Variants in DKK3 observed in about 807,000 individuals in gnomAD.
DKK3 encodes the protein dickkopf Wnt signaling pathway inhibitor 3, also known as dickkopf-related protein 3.
In DKK3, 22 loss-of-function variants were observed where a neutral mutation model predicts 33.2. That is an observed-to-expected ratio of 0.66 (90% CI 0.47 to 0.95). The LOEUF is 0.95. Among genes scored for constraint, DKK3 ranks in the 40% least tolerant of loss-of-function variants. The pLI is 0.00. For missense variants in DKK3, 398 were observed against 458.4 expected (o/e 0.87, Z 1.20); for synonymous variants, 194 against 188.8 (o/e 1.03, Z -0.23).
At chr11:11,977,041 GC>G (rs931266001) in intron 3 of DKK3, among the ~76,000 whole-genome samples, 1 of 152,140 alleles carries the variant, frequency 6.6e-6, no homozygotes, top group African/African-American at 2.4e-5. Context: ...GGAGCCAGGA[GC>G]CCATCAGTGC....
chr11:11,970,286 G>A (rs1051238296), intron 3 of DKK3, among the ~76,000 whole-genome samples: 3 of 152,166 alleles, frequency 2.0e-5, no homozygotes, highest in Non-Finnish European at 4.4e-5. Flanking sequence ...AAAAGAGAGA[G>A]AGAAAGAGCA....
chr11:11,971,120 T>C (rs548413634), intron 3 of DKK3, among the ~76,000 whole-genome samples: 1 of 152,052 alleles, frequency 6.6e-6, no homozygotes, highest in African/African-American at 2.4e-5. Context: ...CCCTTCCTGG[T>C]GACTACCCTC....
rs1339786157 is a variant in DKK3 at position 11,964,057 on chromosome 11, T to C, written c.*407A>G. The C allele has an allele frequency of 1.6e-5, 3 of 189,378 alleles. No homozygotes were observed. Among genetic ancestry groups the C allele is most frequent in the African/African-American group, 7.0e-5 (3 of 42,556 alleles). 11.7% of individuals were successfully genotyped at this position (189,378 alleles called of 1,614,324 possible). On this transcript the variant is annotated 3_prime_UTR_variant, in exon 7 of 7. Coordinates refer to ENST00000683431, the MANE Select transcript of DKK3 (RefSeq NM_001018057.2). ...ATTCATTTGTTGCATTTTTGCCAGG[T>C]TGATGTTTGCAAAGCAGGGCACTCT... is the stretch of plus-strand genomic sequence containing the variant.
chr11:12,003,132 C>T (rs907685657), intron 1 of DKK3, among the ~76,000 whole-genome samples: 1 of 152,236 alleles, frequency 6.6e-6, no homozygotes, highest in Non-Finnish European at 1.5e-5. Context: ...TTTCATCACA[C>T]TTTCCCACTT....
chr11:11,976,669 A>G (rs1421658967), intron 3 of DKK3, among the ~76,000 whole-genome samples: 2 of 152,172 alleles, frequency 1.3e-5, no homozygotes, highest in Non-Finnish European at 2.9e-5. Flanking sequence ...AGGGAGGTGG[A>G]GCACTGCCAG....
At chr11:11,990,643 G>C (rs1403118342) in intron 3 of DKK3, among the ~76,000 whole-genome samples, 2 of 152,158 alleles carry the variant, frequency 1.3e-5, no homozygotes, top group African/African-American at 4.8e-5. Flanking sequence ...GCTCTCAAAG[G>C]CCTGCCTGAT....
intron 5 of DKK3, among the ~76,000 whole-genome samples, chr11:11,966,751 G>A (rs1390511447): frequency 6.6e-6 from 1 of 151,942 alleles, no homozygotes; most frequent in Non-Finnish European, 1.5e-5. Context: ...ACTTTTCTGA[G>A]CATCAACAGG....
intron 1 of DKK3, among the ~76,000 whole-genome samples, chr11:12,007,951 G>C (rs1466543331): frequency 6.6e-6 from 1 of 152,222 alleles, no homozygotes; most frequent in African/African-American, 2.4e-5. Flanking sequence ...ATCCTAACAA[G>C]CTCAAAGCAT....
chr11:11,964,222 G>T lies in DKK3; in HGVS notation c.*242C>A. The T allele has an allele frequency of 1.8e-6, 1 of 551,960 alleles. No individual in the cohort carries two copies. The highest frequency in any genetic ancestry group is 3.2e-6 in the Non-Finnish European group (1 of 311,224). The allele number at this position is 551,960 out of a possible 1,614,324, so 34.2% of individuals were successfully genotyped here. Reference sequence around the variant, plus strand: ...GCAAAGCAGCCAATAATCTGGACAGGGGTGGCAAACTGCTCCTGCAGTTTA... The same window carrying T: ...GCAAAGCAGCCAATAATCTGGACAGTGGTGGCAAACTGCTCCTGCAGTTTA... On this transcript the variant is annotated 3_prime_UTR_variant, in exon 7 of 7. Transcript: ENST00000683431.
Position 11,966,097 on chromosome 11 carries a change from T to G in DKK3, c.674-132A>C, listed in dbSNP as rs915316730. 5 of 1,143,630 alleles carry G rather than the reference T, an allele frequency of 4.4e-6. No individual in the cohort carries two copies. In the African/African-American group the frequency reaches 7.8e-5, roughly 18 times the overall value. 70.8% of individuals were successfully genotyped at this position (1,143,630 alleles called of 1,614,324 possible). A position where few individuals can be genotyped will look rare whatever the true frequency, so the allele number is the denominator to read the frequency against. On this transcript the variant is annotated intron_variant, in intron 5 of 6. Transcript: ENST00000683431. ...CCAAAGTGCAGGCTAGTTTTGAAGA[T>G]ACGGAATGACAGGAAACAAGAATAG...
chr11:12,001,781 G>T (rs971788626), intron 2 of DKK3: 2 of 152,338 alleles, frequency 1.3e-5, no homozygotes, highest in African/African-American at 4.8e-5. Context: ...ATCTGCCAGA[G>T]AATTTTGAAC....
At chr11:11,989,168 T>G (rs1427029027) in intron 3 of DKK3, among the ~76,000 whole-genome samples, 1 of 152,224 alleles carries the variant, frequency 6.6e-6, no homozygotes, top group East Asian at 1.9e-4. Context: ...AAAAATAGAA[T>G]GACCTTATGA....
chr11:11,968,764 A>C, intron 3 of DKK3: 1 of 311,636 alleles, frequency 3.2e-6, no homozygotes. Flanking sequence ...CCCCACCCAC[A>C]CCCAGGGCGG....
intron 3 of DKK3, among the ~76,000 whole-genome samples, chr11:11,971,690 A>G (rs138256302): frequency 2.6e-5 from 4 of 152,330 alleles, no homozygotes; most frequent in African/African-American, 9.6e-5. Flanking sequence ...TCTAGCATCA[A>G]TTCCTATAAG....
intron 3 of DKK3, among the ~76,000 whole-genome samples, chr11:11,971,927 T>C (rs1207298286): frequency 1.3e-5 from 2 of 152,204 alleles, no homozygotes; most frequent in African/African-American, 4.8e-5. Flanking sequence ...CAAGGAGTGC[T>C]GGTAGGTTAG....
At chr11:12,001,269 T>C (rs535234579) in intron 2 of DKK3, among the ~76,000 whole-genome samples, 2 of 152,346 alleles carry the variant, frequency 1.3e-5, no homozygotes, top group South Asian at 4.1e-4. Flanking sequence ...CTCATTCATT[T>C]ACCTGGAGCT....
rs75772999 is a variant in DKK3 at position 12,008,481 on chromosome 11, G to A, written c.102C>T (p.Pro34=). Residue 34 remains proline (P), a synonymous_variant, in exon 1 of 7, where the codon CCC becomes CCT. Coordinates refer to ENST00000683431, the MANE Select transcript of DKK3 (RefSeq NM_001018057.2). The surrounding 1 kb of genome is among the most constrained non-coding windows in gnomAD (Gnocchi z 4.6). ...APTATSAPVK[P]GPALSYPQEE... is the part of the protein sequence containing the mutation. ...CCTGCGGGTAGCTGAGAGCCGGGCC[G>A]GGCTTGACTGGAGCCGAGGTCGCCG... 3 of 1,605,140 alleles carry A rather than the reference G, an allele frequency of 1.9e-6. No individual in the cohort carries two copies. Among genetic ancestry groups the A allele is most frequent in the East Asian group, 2.2e-5 (1 of 44,758 alleles).
At chr11:11,981,458 C>G (rs1475348174) in intron 3 of DKK3, among the ~76,000 whole-genome samples, 1 of 152,218 alleles carries the variant, frequency 6.6e-6, no homozygotes, top group Non-Finnish European at 1.5e-5. Context: ...AATCCAGGAA[C>G]ATAATAAACG....
At chr11:11,966,006 G>A (rs754800403) in intron 5 of DKK3, 41 bp from the exon 6 acceptor site, 4 of 1,572,198 alleles carry the variant, frequency 2.5e-6, no homozygotes, top group Admixed American at 1.8e-5. Context: ...CCCCGTGTAG[G>A]GTAGAAGGGC....
Sources: gnomAD v4.1 joint callset for allele counts (sites outside exome capture counted in the v4.1 genomes callset) on GRCh38, gnomAD v4.1.1 for gene constraint, Gnocchi (gnomAD v3.1) non-coding constraint, MANE v1.5 for transcripts, NCBI Gene and HGNC (gene_info 2026-07-23, HGNC 2026-07-21) for gene names.